Variants in PPARA observed in about 807,000 individuals in gnomAD.
PPARA encodes peroxisome proliferator activated receptor alpha.
In PPARA, 22 loss-of-function variants were observed where a neutral mutation model predicts 42.2. The ratio of observed to expected loss-of-function variants is 0.52; its 90% CI spans 0.37 to 0.74. The LOEUF (loss-of-function observed/expected upper bound fraction) is 0.74. Among genes scored for constraint, PPARA ranks in the 30% least tolerant of loss-of-function variants. The pLI, the probability that PPARA is intolerant of heterozygous loss-of-function variation, is 0.00. For synonymous variants in PPARA, 242 were observed against 239.3 expected, an observed-to-expected ratio of 1.01 and a Z score of -0.10; for missense variants, 465 against 608.2, an observed-to-expected ratio of 0.76 and a Z score of 2.48.
At chr22:46,179,709 A>G (rs1376070666) in intron 3 of PPARA, among the ~76,000 whole-genome samples, 3 of 152,246 alleles carry the variant, frequency 2.0e-5, no homozygotes, top group Non-Finnish European at 4.4e-5. Context: ...AAAAAAATCA[A>G]TAAATTGAAC....
At chr22:46,198,140 A>C (rs1932520203) in intron 3 of PPARA, among the ~76,000 whole-genome samples, 1 of 146,960 alleles carries the variant, frequency 6.8e-6, no homozygotes, top group Non-Finnish European at 1.5e-5. Context: ...CAGGAGACTG[A>C]GGCAGGAGAA....
At position 46,219,192 on chromosome 22, in the gene PPARA, A is replaced by G. The variant is rs1368327870; in HGVS notation, c.509-620A>G. On this transcript the variant is annotated intron_variant, in intron 6 of 8. Transcript: ENST00000407236. This position sits in a 1 kb window ranked among gnomAD's most constrained non-coding sequence, Gnocchi z 4.8. ...AAAAGAAAAAAAAAGAAAAAGTCTC[A>G]AATAGCTGAGATTCAGTGGTGCATT... Among the ~76,000 whole-genome samples the G allele has an allele frequency of 6.6e-6, 1 of 152,142 alleles. No individual in the cohort carries two copies. Among genetic ancestry groups the G allele is most frequent in the East Asian group, 1.9e-4 (1 of 5,198 alleles).
rs149381846 is a variant in PPARA, at chr22:46,219,853, C to T, written c.550C>T (p.Leu184=). The T allele has an allele frequency of 2.6e-4, 423 of 1,614,184 alleles. No homozygotes were observed. In the African/African-American group the frequency reaches 5.1e-3, roughly 19 times the overall value. Residue 184 remains leucine, a synonymous_variant, in exon 7 of 9, where the codon CTG becomes TTG. Coordinates refer to ENST00000407236, the MANE Select transcript of PPARA (RefSeq NM_005036.6). This position sits in a 1 kb window ranked among gnomAD's most constrained non-coding sequence, Gnocchi z 4.8. ...AATGCCAAGATCTGAGAAAGCAAAA[C>T]TGAAAGCAGAAATTCTTACCTGTGA... is the stretch of plus-strand genomic sequence containing the variant. ...GRMPRSEKAK[L]KAEILTCEHD...
At chr22:46,208,620 C>T (rs941466978) in intron 4 of PPARA, among the ~76,000 whole-genome samples, 1 of 151,926 alleles carries the variant, frequency 6.6e-6, no homozygotes, top group Non-Finnish European at 1.5e-5. Context: ...ATTATGGTCA[C>T]CATAGTGGGT....
At chr22:46,197,383 G>C (rs1039541645) in intron 3 of PPARA, among the ~76,000 whole-genome samples, 3 of 152,108 alleles carry the variant, frequency 2.0e-5, no homozygotes, top group Non-Finnish European at 2.9e-5. Flanking sequence ...TGTGTCCCCA[G>C]CACCTCAAAC....
chr22:46,205,541 TA>T (rs1569226116), intron 4 of PPARA, among the ~76,000 whole-genome samples: 21 of 36,102 alleles, frequency 5.8e-4, no homozygotes, highest in African/African-American at 1.6e-3. Flanking sequence ...TATATATATA[TA>T]TATATATATA....
Position 46,240,851 on chromosome 22 carries a change from T to G in PPARA, c.*5471T>G, listed in dbSNP as rs1049901667. Reference sequence around the variant, plus strand: ...TATTTGCATCGAGCAAAGGGGGCTGTGTGCACCTCCCTAATGGCAGCGATG... The same window carrying G: ...TATTTGCATCGAGCAAAGGGGGCTGGGTGCACCTCCCTAATGGCAGCGATG... On this transcript the variant is annotated 3_prime_UTR_variant, in exon 9 of 9. Transcript: ENST00000407236. This position sits in a 1 kb window ranked among gnomAD's most constrained non-coding sequence, Gnocchi z 6.0. The G allele has an allele frequency of 1.3e-5, 2 of 152,280 alleles. No homozygotes were observed. The highest frequency in any genetic ancestry group is 4.8e-5 in the African/African-American group (2 of 41,462). The allele number at this position is 152,280 out of a possible 1,614,324, so 9.4% of individuals were successfully genotyped here. A position where few individuals can be genotyped will look rare whatever the true frequency, so the allele number is the denominator to read the frequency against.
Position 46,243,324 on chromosome 22 carries a change from C to A in PPARA, c.*7944C>A, listed in dbSNP as rs1936426551. On this transcript the variant is annotated 3_prime_UTR_variant, in exon 9 of 9. Transcript: ENST00000407236. This position sits in a 1 kb window ranked among gnomAD's most constrained non-coding sequence, Gnocchi z 5.0. ...TCTACTAGTGAGTGCCTTATACTCT[C>A]AGTATTTTGGGGCTTACAGCTTCTT... 1 of 152,132 alleles carries A rather than the reference C, an allele frequency of 6.6e-6. No individual in the cohort carries two copies. The highest frequency in any genetic ancestry group is 2.4e-5 in the African/African-American group (1 of 41,420). The allele number at this position is 152,132 out of a possible 1,614,324, so 9.4% of individuals were successfully genotyped here. A position where few individuals can be genotyped will look rare whatever the true frequency, so the allele number is the denominator to read the frequency against.
intron 2 of PPARA, among the ~76,000 whole-genome samples, chr22:46,157,955 A>G (rs1925576251): frequency 6.6e-6 from 1 of 152,208 alleles, no homozygotes; most frequent in Non-Finnish European, 1.5e-5. Context: ...CCAACTTTCG[A>G]AAGAGCATCA....
rs1569193840 is a variant in PPARA, at chr22:46,171,661, G to A, written c.-126-5092G>A. ...GCATCCTGACAGGGAGGGCAGCAGG[G>A]TGGGCTCATGAGAGGAACAGCCAGG... On this transcript the variant is annotated intron_variant, in intron 2 of 8. Coordinates refer to ENST00000407236, the MANE Select transcript of PPARA (RefSeq NM_005036.6). The surrounding 1 kb of genome is among the most constrained non-coding windows in gnomAD (Gnocchi z 5.0). Among the ~76,000 whole-genome samples the A allele has an allele frequency of 6.6e-6, 1 of 152,168 alleles. No homozygotes were observed. Among genetic ancestry groups the A allele is most frequent in the Non-Finnish European group, 1.5e-5 (1 of 68,030 alleles).
rs4253695 is a variant in PPARA, at chr22:46,185,788, G to A, written c.-43+8952G>A. ...CAGCCGCCTGTAATTCCAGCTACTC[G>A]GGAGGCTGAGGCAGGAGAATCACTT... is the stretch of plus-strand genomic sequence containing the variant. On this transcript the variant is annotated intron_variant, in intron 3 of 8. Transcript: ENST00000407236. Among the ~76,000 whole-genome samples, 615 of 147,300 alleles carry A rather than the reference G, an allele frequency of 4.2e-3. 4 individuals are homozygous for A. The highest frequency in any genetic ancestry group is 0.015 in the African/African-American group (587 of 39,946).
At position 46,227,656 on chromosome 22, in the gene PPARA, T is replaced by A. The variant is rs948390322; in HGVS notation, c.712-4136T>A. Among the ~76,000 whole-genome samples the A allele has an allele frequency of 6.6e-6, 1 of 152,210 alleles. No homozygotes were observed. The highest frequency in any genetic ancestry group is 1.5e-5 in the Non-Finnish European group (1 of 68,030). On this transcript the variant is annotated intron_variant, in intron 7 of 8. Coordinates refer to ENST00000407236, the MANE Select transcript of PPARA (RefSeq NM_005036.6). The surrounding 1 kb of genome is among the most constrained non-coding windows in gnomAD (Gnocchi z 4.3). ...CCACATGAGTGTGTGCCGGGACCAG[T>A]GTGGCAGCAAGCGGGGCGTTCTGCT...
intron 4 of PPARA, among the ~76,000 whole-genome samples, chr22:46,213,715 G>A (rs997733680): frequency 3.3e-5 from 5 of 151,406 alleles, no homozygotes; most frequent in Admixed American, 6.6e-5. Context: ...TCAGCCTCCC[G>A]AGTAGCTGGG....
rs1930072913 is a variant in PPARA, at chr22:46,182,267, AGC to A, written c.-43+5432_-43+5433del. Reference sequence around the variant, plus strand: ...ACAGAGTCTAGTCCTGAATGTCTATAGCTGCTTTATTTATAATAGCTCAGACT... The same window carrying A: ...ACAGAGTCTAGTCCTGAATGTCTATATGCTTTATTTATAATAGCTCAGACT... On this transcript the variant is annotated intron_variant, in intron 3 of 8. Coordinates refer to ENST00000407236, the MANE Select transcript of PPARA (RefSeq NM_005036.6). The surrounding 1 kb of genome is among the most constrained non-coding windows in gnomAD (Gnocchi z 5.2). Among the ~76,000 whole-genome samples, 1 of 152,256 alleles carries A rather than the reference AGC, an allele frequency of 6.6e-6. No homozygotes were observed. The highest frequency in any genetic ancestry group is 2.1e-4 in the South Asian group (1 of 4,836).
At position 46,192,092 on chromosome 22, in the gene PPARA, T is replaced by A. The variant is rs1321942915; in HGVS notation, c.-42-6250T>A. The stretch of plus-strand genomic sequence containing the variant: ...AAAAAGAGAAAGAAAGAAATAGACA[T>A]TGAACACCTGCTACACAGCAGGGAT... On this transcript the variant is annotated intron_variant, in intron 3 of 8. Transcript: ENST00000407236. This position sits in a 1 kb window ranked among gnomAD's most constrained non-coding sequence, Gnocchi z 4.3. 6.6e-6 allele frequency among the ~76,000 whole-genome samples: 1 copy of A among 152,044 alleles called. No homozygotes were observed. The highest frequency in any genetic ancestry group is 2.4e-5 in the African/African-American group (1 of 41,408).
rs1400363173 is a variant in PPARA at position 46,225,401 on chromosome 22, G to A, written c.711+5387G>A. The stretch of plus-strand genomic sequence containing the variant: ...AACATAAGATGTTGACCTGTCAGGG[G>A]TTGAGAATGTCGTCAGAAGACTTTG... On this transcript the variant is annotated intron_variant, in intron 7 of 8. Coordinates refer to ENST00000407236, the MANE Select transcript of PPARA (RefSeq NM_005036.6). The surrounding 1 kb of genome is among the most constrained non-coding windows in gnomAD (Gnocchi z 4.1). Among the ~76,000 whole-genome samples the A allele has an allele frequency of 6.6e-6, 1 of 152,126 alleles. No individual in the cohort carries two copies. The highest frequency in any genetic ancestry group is 2.4e-5 in the African/African-American group (1 of 41,410).
At position 46,241,388 on chromosome 22, in the gene PPARA, TAAAAAG is replaced by T. The variant is rs1404077524; in HGVS notation, c.*6016_*6021del. On this transcript the variant is annotated 3_prime_UTR_variant, in exon 9 of 9. Transcript: ENST00000407236. This position sits in a 1 kb window ranked among gnomAD's most constrained non-coding sequence, Gnocchi z 5.7. ...TAAAATGTGAAATTGAAGGTTTTGT[TAAAAAG>T]AAAAAGATAATGAGCTTCATGCTTT... 2.0e-5 allele frequency: 3 copies of T among 152,218 alleles called. No homozygotes were observed. The highest frequency in any genetic ancestry group is 6.5e-5 in the Admixed American group (1 of 15,284). The allele number at this position is 152,218 out of a possible 1,614,324, so 9.4% of individuals were successfully genotyped here. A position where few individuals can be genotyped will look rare whatever the true frequency, so the allele number is the denominator to read the frequency against.
chr22:46,154,926 G>C (rs753671118), intron 2 of PPARA: 1 of 125,902 alleles, frequency 7.9e-6, no homozygotes, highest in Non-Finnish European at 1.6e-5. Context: ...CTCCTGCCTC[G>C]GCCTCCCATA....
chr22:46,173,092 A>G lies in PPARA; in HGVS notation c.-126-3661A>G, dbSNP rs1300997197. On this transcript the variant is annotated intron_variant, in intron 2 of 8. Transcript: ENST00000407236. The surrounding 1 kb of genome is among the most constrained non-coding windows in gnomAD (Gnocchi z 4.3). ...CCTTTAGAAAAGGATTTGTCCTGCAACCAGCTCTTGCAGAAGGTACTTGGT... is the reference window on the plus strand; with the variant it reads ...CCTTTAGAAAAGGATTTGTCCTGCAGCCAGCTCTTGCAGAAGGTACTTGGT... Among the ~76,000 whole-genome samples the G allele has an allele frequency of 6.6e-6, 1 of 152,192 alleles. No individual in the cohort carries two copies. Among genetic ancestry groups the G allele is most frequent in the East Asian group, 1.9e-4 (1 of 5,198 alleles).
Sources: allele counts gnomAD v4.1 joint callset (sites outside exome capture counted in the v4.1 genomes callset), GRCh38; gene constraint gnomAD v4.1.1; non-coding constraint Gnocchi (gnomAD v3.1); transcripts MANE v1.5; gene names NCBI Gene and HGNC (gene_info 2026-07-23, HGNC 2026-07-21).